SGCZ: variants seen among roughly 807,000 people sequenced by gnomAD.
SGCZ encodes sarcoglycan zeta.
SGCZ carries 40 observed loss-of-function variants against 41.3 expected under a neutral mutation model. The ratio of observed to expected loss-of-function variants is 0.97; its 90% CI spans 0.75 to 1.26. The LOEUF (loss-of-function observed/expected upper bound fraction) is 1.26. SGCZ is among the 50% of genes most tolerant of loss of function. The probability of loss-of-function intolerance (pLI) is 0.00; values close to 1 mark genes in which losing one functional copy is unlikely to be tolerated. For synonymous variants in SGCZ, 206 were observed against 137.5 expected (o/e 1.50, Z -3.49); for missense variants, 552 against 369.8 (o/e 1.49, Z -4.04).
intron 4 of SGCZ, among the ~76,000 whole-genome samples, chr8:14,198,706 G>A (rs941292063): frequency 9.9e-5 from 15 of 152,260 alleles, no homozygotes; most frequent in East Asian, 7.7e-4. Flanking sequence ...GACCACAAAC[G>A]GAGGGACCAG....
chr8:15,040,332 G>A (rs574195472), intron 1 of SGCZ, among the ~76,000 whole-genome samples: 3 of 152,022 alleles, frequency 2.0e-5, no homozygotes, highest in Admixed American at 6.6e-5. Context: ...AAGTGATTTC[G>A]TTGGCCGCGA....
chr8:14,442,388 G>A (rs1800297082), intron 2 of SGCZ, among the ~76,000 whole-genome samples: 1 of 152,170 alleles, frequency 6.6e-6, no homozygotes, highest in African/African-American at 2.4e-5. Flanking sequence ...CTTCCACCAT[G>A]ATTGTGAAGC....
intron 1 of SGCZ, among the ~76,000 whole-genome samples, chr8:15,049,544 T>C (rs1044001209): frequency 6.6e-6 from 1 of 152,140 alleles, no homozygotes; most frequent in Non-Finnish European, 1.5e-5. Flanking sequence ...CAATATTGAA[T>C]GATTTAGAGA....
chr8:14,289,551 A>G (rs778933863), intron 3 of SGCZ, among the ~76,000 whole-genome samples: 3 of 151,988 alleles, frequency 2.0e-5, no homozygotes, highest in Non-Finnish European at 2.9e-5. Flanking sequence ...TAATCCTTAT[A>G]CTCTTGTCAA....
At chr8:14,788,180 TAA>T (rs1800832723) in intron 1 of SGCZ, among the ~76,000 whole-genome samples, 1 of 152,178 alleles carries the variant, frequency 6.6e-6, no homozygotes, top group East Asian at 1.9e-4. Context: ...TCCCTGGGGA[TAA>T]AGGACTAAGT....
chr8:14,983,943 G>C (rs1268874577), intron 1 of SGCZ, among the ~76,000 whole-genome samples: 1 of 152,144 alleles, frequency 6.6e-6, no homozygotes, highest in Non-Finnish European at 1.5e-5. Flanking sequence ...ATCTCAGGTT[G>C]TTTCAACCAA....
intron 5 of SGCZ, among the ~76,000 whole-genome samples, chr8:14,157,302 T>A (rs1294257398): frequency 2.0e-5 from 3 of 148,358 alleles, no homozygotes; most frequent in Non-Finnish European, 4.5e-5. Context: ...ATATTTAATA[T>A]ACAATATTAT....
intron 1 of SGCZ, among the ~76,000 whole-genome samples, chr8:14,898,987 G>T (rs748371659): frequency 1.3e-5 from 2 of 152,154 alleles, no homozygotes; most frequent in Non-Finnish European, 2.9e-5. Flanking sequence ...TTTTTTAAAA[G>T]TTTCCAAGAT....
chr8:14,478,972 TA>T (rs1801442896), intron 2 of SGCZ, among the ~76,000 whole-genome samples: 1 of 152,194 alleles, frequency 6.6e-6, no homozygotes, highest in African/African-American at 2.4e-5. Flanking sequence ...TGTCTGCTTC[TA>T]ATGCCCACCC....
intron 1 of SGCZ, among the ~76,000 whole-genome samples, chr8:14,836,389 C>T (rs1802703791): frequency 6.6e-6 from 1 of 152,156 alleles, no homozygotes; most frequent in African/African-American, 2.4e-5. Context: ...CAATACTCTG[C>T]TTCCAAAATG....
At chr8:14,253,527 A>G (rs533795219) in intron 3 of SGCZ, among the ~76,000 whole-genome samples, 33 of 152,208 alleles carry the variant, frequency 2.2e-4, no homozygotes, top group Non-Finnish European at 3.4e-4. Context: ...GACTTAACAG[A>G]AAATCACTTT....
At chr8:14,374,453 T>C (rs1020830550) in intron 2 of SGCZ, among the ~76,000 whole-genome samples, 4 of 152,162 alleles carry the variant, frequency 2.6e-5, no homozygotes, top group African/African-American at 9.7e-5. Context: ...GAATTTGATG[T>C]AATTCTTAAC....
chr8:14,108,567 A>T (rs770629647), intron 5 of SGCZ, among the ~76,000 whole-genome samples: 7 of 152,124 alleles, frequency 4.6e-5, no homozygotes, highest in Non-Finnish European at 4.4e-5. Flanking sequence ...CGTGAGACTT[A>T]TTCACGACCG....
At position 14,182,782 on chromosome 8, in the gene SGCZ, G is replaced by A. The variant is rs539696858; in HGVS notation, c.425-18080C>T. On this transcript the variant is annotated intron_variant, in intron 4 of 7. Coordinates refer to ENST00000382080, the MANE Select transcript of SGCZ (RefSeq NM_139167.4). Reference sequence around the variant, plus strand: ...CCAGCACTTTGGGAGGCCGAGAGGGGGCGGATCACCTGAGGTCAGAAGTTC... The same window carrying A: ...CCAGCACTTTGGGAGGCCGAGAGGGAGCGGATCACCTGAGGTCAGAAGTTC... 3.9e-5 allele frequency among the ~76,000 whole-genome samples: 6 copies of A among 152,140 alleles called. No individual in the cohort carries two copies. In the East Asian group the frequency reaches 9.7e-4, roughly 25 times the overall value.
chr8:14,884,221 A>G (rs1804702305), intron 1 of SGCZ, among the ~76,000 whole-genome samples: 1 of 152,152 alleles, frequency 6.6e-6, no homozygotes, highest in Non-Finnish European at 1.5e-5. Context: ...AATCCATTGC[A>G]CTGAGAATGT....
At chr8:14,341,468 C>T (rs975761757) in intron 2 of SGCZ, among the ~76,000 whole-genome samples, 4 of 152,052 alleles carry the variant, frequency 2.6e-5, no homozygotes, top group African/African-American at 9.7e-5. Flanking sequence ...TAATAGCCAT[C>T]CTAATGGGTG....
chr8:14,113,060 A>G (rs760564422), intron 5 of SGCZ, among the ~76,000 whole-genome samples: 6 of 152,130 alleles, frequency 3.9e-5, no homozygotes, highest in Admixed American at 6.6e-5. Flanking sequence ...TGTTATTTTA[A>G]TAATCTAAGT....
At chr8:15,202,553 A>C (rs1215698259) in intron 1 of SGCZ, among the ~76,000 whole-genome samples, 1 of 152,136 alleles carries the variant, frequency 6.6e-6, no homozygotes, top group African/African-American at 2.4e-5. Context: ...TACAATGTAC[A>C]CTTCTTGGAT....
chr8:14,632,044 G>T (rs954732529), intron 1 of SGCZ, among the ~76,000 whole-genome samples: 2 of 86,810 alleles, frequency 2.3e-5, no homozygotes, highest in Non-Finnish European at 5.0e-5. Flanking sequence ...TGGAGATAGG[G>T]TCTTGTTCTG....
Sources: allele counts gnomAD v4.1 joint callset (sites outside exome capture counted in the v4.1 genomes callset), GRCh38; gene constraint gnomAD v4.1.1; transcripts MANE v1.5; gene names NCBI Gene and HGNC (gene_info 2026-07-23, HGNC 2026-07-21).